Variants in ENAH observed in about 807,000 individuals in gnomAD.
ENAH encodes the protein ENAH actin regulator.
In ENAH, 23 loss-of-function variants were observed where a neutral mutation model predicts 78.7. The observed-to-expected ratio is 0.29, with a 90% confidence interval of 0.21 to 0.41. The LOEUF (loss-of-function observed/expected upper bound fraction) is 0.41. Ranked by LOEUF, ENAH falls within the 10% of genes least tolerant of loss-of-function variation. The pLI is 1.00. For synonymous variants in ENAH, 226 were observed against 241.0 expected (o/e 0.94, Z 0.58); for missense variants, 544 against 691.0 (o/e 0.79, Z 2.39).
intron 1 of ENAH, among the ~76,000 whole-genome samples, chr1:225,614,407 C>T (rs2148163751): frequency 6.6e-6 from 1 of 152,260 alleles, no homozygotes; most frequent in African/African-American, 2.4e-5. Context: ...CGAAGAGACA[C>T]ATGGGGAAGG....
intron 11 of ENAH, among the ~76,000 whole-genome samples, chr1:225,506,141 T>C (rs2096326938): frequency 6.6e-6 from 1 of 152,200 alleles, no homozygotes; most frequent in South Asian, 2.1e-4. Flanking sequence ...ACTTCTGCCA[T>C]CAACGTAGGC....
At chr1:225,602,540 G>A (rs2096936058) in intron 1 of ENAH, among the ~76,000 whole-genome samples, 1 of 152,062 alleles carries the variant, frequency 6.6e-6, no homozygotes, top group Non-Finnish European at 1.5e-5. Flanking sequence ...AAAACAACTG[G>A]ACAAAAGAAG....
intron 1 of ENAH, among the ~76,000 whole-genome samples, chr1:225,607,318 C>T (rs1055252049): frequency 6.6e-6 from 1 of 152,060 alleles, no homozygotes; most frequent in Non-Finnish European, 1.5e-5. Flanking sequence ...CATCCTGGGC[C>T]ACATGTGGCC....
chr1:225,554,080 ATC>A (rs1209551453), intron 3 of ENAH, among the ~76,000 whole-genome samples: 1 of 152,214 alleles, frequency 6.6e-6, no homozygotes, highest in Non-Finnish European at 1.5e-5. Context: ...TCAAATTTTC[ATC>A]TGACTGCAAC....
intron 7 of ENAH, 46 bp from the exon 8 acceptor site, chr1:225,513,062 C>A (rs749191243): frequency 6.8e-7 from 1 of 1,475,948 alleles, no homozygotes; most frequent in Admixed American, 2.3e-5. Flanking sequence ...GTTAGACAAC[C>A]ATATTTTTAT....
In ENAH at chr1:225,652,808, G is replaced by T; in HGVS notation, c.-118C>A. On this transcript the variant is annotated 5_prime_UTR_variant, in exon 1 of 14. Coordinates refer to ENST00000366843, the MANE Select transcript of ENAH (RefSeq NM_018212.6). ...CTCGGAGACGGGAGACAAGTGTCCG[G>T]CTCCTCCTTCGGCGGCCAGGGGGCT... 1 of 877,504 alleles carries T rather than the reference G, an allele frequency of 1.1e-6. No homozygotes were observed. Among genetic ancestry groups the T allele is most frequent in the Non-Finnish European group, 1.5e-6 (1 of 654,698 alleles). The allele number at this position is 877,504 out of a possible 1,614,324, so 54.4% of individuals were successfully genotyped here. A position where few individuals can be genotyped will look rare whatever the true frequency, so the allele number is the denominator to read the frequency against.
chr1:225,618,012 C>CAGA (rs1312085580), intron 1 of ENAH, among the ~76,000 whole-genome samples: 5 of 152,134 alleles, frequency 3.3e-5, no homozygotes, highest in African/African-American at 1.2e-4. Context: ...AGTTATCAGT[C>CAGA]AGAAGCATTA....
Position 225,519,137 on chromosome 1 carries a change from G to T in ENAH, c.802+61C>A. 1.9e-6 allele frequency: 3 copies of T among 1,578,922 alleles called. 1 individual carries two copies. The South Asian group carries it at 3.5e-5, about 19-fold the overall frequency. ...ATGTGAAATATTTTAACACATGACT[G>T]CACAAGAGACATCATCCAAGCTCAG... On this transcript the variant is annotated intron_variant, in intron 5 of 13. Transcript: ENST00000366843.
chr1:225,615,678 G>A (rs1476355051), intron 1 of ENAH, among the ~76,000 whole-genome samples: 3 of 148,096 alleles, frequency 2.0e-5, no homozygotes, highest in Non-Finnish European at 3.0e-5. Flanking sequence ...TGTGAGGAGC[G>A]CCTCTGCCCA....
chr1:225,646,929 A>C (rs1286872171), intron 1 of ENAH, among the ~76,000 whole-genome samples: 1 of 152,132 alleles, frequency 6.6e-6, no homozygotes, highest in Non-Finnish European at 1.5e-5. Context: ...CACTGATAAG[A>C]ATCAAAACAA....
chr1:225,557,918 AG>A (rs1301816199), intron 2 of ENAH, among the ~76,000 whole-genome samples: 1 of 152,152 alleles, frequency 6.6e-6, no homozygotes, highest in Non-Finnish European at 1.5e-5. Flanking sequence ...TTGACAGCTA[AG>A]GGTTTCCATC....
In ENAH at chr1:225,487,348, T is replaced by G. The variant is rs2096204739; in HGVS notation, c.*10427A>C. 2 of 152,250 alleles carry G rather than the reference T, an allele frequency of 1.3e-5. No homozygotes were observed. Among genetic ancestry groups the G allele is most frequent in the African/African-American group, 4.8e-5 (2 of 41,462 alleles). The allele number at this position is 152,250 out of a possible 1,614,324, so 9.4% of individuals were successfully genotyped here. On this transcript the variant is annotated 3_prime_UTR_variant, in exon 14 of 14. Coordinates refer to ENST00000366843, the MANE Select transcript of ENAH (RefSeq NM_018212.6). ...TGTTTTAGTTTCATGTCTCACCTTCTCTTCCACGTTCCCTTCTTAAACGTA... is the reference window on the plus strand; with the variant it reads ...TGTTTTAGTTTCATGTCTCACCTTCGCTTCCACGTTCCCTTCTTAAACGTA...
At chr1:225,584,338 TACA>T (rs1349841340) in intron 1 of ENAH, among the ~76,000 whole-genome samples, 1 of 152,118 alleles carries the variant, frequency 6.6e-6, no homozygotes, top group African/African-American at 2.4e-5. Flanking sequence ...TGCAAAGTGC[TACA>T]ACATTAACTC....
At chr1:225,523,883 C>CT (rs2096487278) in intron 4 of ENAH, among the ~76,000 whole-genome samples, 2 of 152,312 alleles carry the variant, frequency 1.3e-5, no homozygotes, top group South Asian at 4.1e-4. Context: ...CTAGAGTTCT[C>CT]TCTCCAACTG....
At position 225,496,563 on chromosome 1, in the gene ENAH, ATCAAAC is replaced by A. The variant is rs1235309450; in HGVS notation, c.*1206_*1211del. The A allele has an allele frequency of 4.6e-5, 7 of 152,700 alleles. No homozygotes were observed. The highest frequency in any genetic ancestry group is 3.9e-4 in the Admixed American group (6 of 15,288). 9.5% of individuals were successfully genotyped at this position (152,700 alleles called of 1,614,324 possible). A position where few individuals can be genotyped will look rare whatever the true frequency, so the allele number is the denominator to read the frequency against. ...GTAATAATAACTGCCAAATTCAGTG[ATCAAAC>A]TTTTGAGTTCCACAGTTAAGATATT... is the stretch of plus-strand genomic sequence containing the variant. On this transcript the variant is annotated 3_prime_UTR_variant, in exon 14 of 14. Transcript: ENST00000366843.
At chr1:225,599,034 C>T (rs1218530715) in intron 1 of ENAH, among the ~76,000 whole-genome samples, 7 of 152,112 alleles carry the variant, frequency 4.6e-5, no homozygotes, top group Non-Finnish European at 2.9e-5. Flanking sequence ...GGGAAAACTG[C>T]CATCAGGTGC....
chr1:225,534,990 T>C (rs2096554957), intron 3 of ENAH, among the ~76,000 whole-genome samples: 1 of 152,096 alleles, frequency 6.6e-6, no homozygotes. Context: ...AGTCACAGAT[T>C]TCTAACCTAC....
intron 1 of ENAH, among the ~76,000 whole-genome samples, chr1:225,626,032 A>G (rs1332013297): frequency 1.3e-5 from 2 of 152,208 alleles, no homozygotes; most frequent in African/African-American, 4.8e-5. Flanking sequence ...CTCCCTGAAG[A>G]TTACAGGAAA....
chr1:225,571,646 C>T (rs181918319), intron 1 of ENAH, among the ~76,000 whole-genome samples: 1 of 152,184 alleles, frequency 6.6e-6, no homozygotes, highest in African/African-American at 2.4e-5. Context: ...CTCAGGCCCA[C>T]ACTTCCCACC....
Sources: gnomAD v4.1 joint callset for allele counts (sites outside exome capture counted in the v4.1 genomes callset) on GRCh38, gnomAD v4.1.1 for gene constraint, MANE v1.5 for transcripts, NCBI Gene and HGNC (gene_info 2026-07-23, HGNC 2026-07-21) for gene names.